The following CYRIB variants were observed in gnomAD, a reference collection of about 807,000 sequenced individuals.
CYRIB encodes CYFIP related Rac1 interactor B.
A neutral mutation model predicts 44.2 loss-of-function variants in CYRIB; 8 were observed. The ratio of observed to expected loss-of-function variants is 0.18; its 90% confidence interval spans 0.11 to 0.33. The LOEUF is 0.33. Ranked by LOEUF, CYRIB falls within the 10% of genes least tolerant of loss-of-function variation. The pLI is 1.00. For missense variants in CYRIB, 185 were observed against 382.8 expected (o/e 0.48, Z 4.31); for synonymous variants, 131 against 127.2 (o/e 1.03, Z -0.20).
chr8:129,891,175 C>G (rs899360575), intron 2 of CYRIB, among the ~76,000 whole-genome samples: 2 of 152,192 alleles, frequency 1.3e-5, no homozygotes, highest in Admixed American at 1.3e-4. Context: ...CTCCCAAATC[C>G]ATCTCTTCTC....
At chr8:130,014,576 G>C (rs1212700520) in intron 1 of CYRIB, among the ~76,000 whole-genome samples, 3 of 152,168 alleles carry the variant, frequency 2.0e-5, no homozygotes, top group East Asian at 3.8e-4. Flanking sequence ...TCCTAAGAGA[G>C]GCACACAGAA....
At chr8:129,850,508 C>T in intron 9 of CYRIB, 1 of 279,374 alleles carries the variant, frequency 3.6e-6, no homozygotes, top group Non-Finnish European at 6.6e-6. Flanking sequence ...TAAGTATAAC[C>T]AAGGAACTTT....
intron 2 of CYRIB, among the ~76,000 whole-genome samples, chr8:129,965,998 G>T (rs903343569): frequency 3.9e-5 from 6 of 151,926 alleles, no homozygotes; most frequent in African/African-American, 1.5e-4. Flanking sequence ...ATTACATACA[G>T]GTGTGGGCCA....
At chr8:130,016,987 G>A (rs1471682634), upstream of CYRIB, 1 of 152,356 alleles carries the variant, frequency 6.6e-6, no homozygotes. Context: ...AGGCCGGCCA[G>A]GTTCCCATCC....
chr8:130,000,406 A>G (rs1001163517), intron 1 of CYRIB, among the ~76,000 whole-genome samples: 20 of 152,296 alleles, frequency 1.3e-4, no homozygotes, highest in African/African-American at 3.8e-4. Context: ...AAAGATGCCA[A>G]TTTAGGCCAG....
chr8:129,909,256 TAG>T (rs1351322573), intron 1 of CYRIB, among the ~76,000 whole-genome samples: 1 of 152,214 alleles, frequency 6.6e-6, no homozygotes, highest in African/African-American at 2.4e-5. Context: ...TTGATTTTTG[TAG>T]AGTCTAAAAA....
At chr8:129,922,818 G>C (rs952664548) in intron 1 of CYRIB, among the ~76,000 whole-genome samples, 1 of 150,870 alleles carries the variant, frequency 6.6e-6, no homozygotes, top group Non-Finnish European at 1.5e-5. Flanking sequence ...AGCCGAGATC[G>C]CACCACTGCA....
Position 129,849,378 on chromosome 8 carries a change from T to A in CYRIB, c.714-9A>T, listed in dbSNP as rs1172228868. 3 of 1,597,838 alleles carry A rather than the reference T, an allele frequency of 1.9e-6. No individual in the cohort carries two copies. The African/African-American group carries it at 4.1e-5, about 22-fold the overall frequency. The stretch of plus-strand genomic sequence containing the variant: ...ATCTGCTTCTGTATTCCCTGAAGAG[T>A]AGATAAGATATGCATGGAAGAAGTG... On this transcript the variant is annotated splice_polypyrimidine_tract_variant and intron_variant, in intron 9 of 11. Coordinates refer to ENST00000519824, the Ensembl canonical transcript of CYRIB.
intron 9 of CYRIB, chr8:129,849,576 A>C: frequency 2.3e-6 from 1 of 432,098 alleles, no homozygotes; most frequent in Non-Finnish European, 4.0e-6. Context: ...AAGGGATATA[A>C]AATTCTTTAA....
chr8:129,908,170 T>C (rs761564548), intron 1 of CYRIB, among the ~76,000 whole-genome samples: 47 of 152,034 alleles, frequency 3.1e-4, no homozygotes, highest in South Asian at 2.1e-4. Context: ...TATGCTAAAA[T>C]ATAAAGCACT....
chr8:129,898,278 T>C (rs1375415450), intron 2 of CYRIB, among the ~76,000 whole-genome samples: 4 of 152,060 alleles, frequency 2.6e-5, no homozygotes, highest in Non-Finnish European at 5.9e-5. Flanking sequence ...TTGTGGCACA[T>C]ACAATTCATC....
chr8:129,899,205 A>G (rs1400413813), intron 2 of CYRIB, among the ~76,000 whole-genome samples: 1 of 152,174 alleles, frequency 6.6e-6, no homozygotes, highest in Non-Finnish European at 1.5e-5. Context: ...TTTACTTCAG[A>G]AAGAAGTAAA....
intron 5 of CYRIB, among the ~76,000 whole-genome samples, chr8:129,859,824 T>A (rs1587594700): frequency 6.6e-6 from 1 of 152,262 alleles, no homozygotes. Context: ...ATATCTGGTA[T>A]AACTATTCTT....
intron 2 of CYRIB, among the ~76,000 whole-genome samples, chr8:129,955,273 G>T (rs1051605311): frequency 1.8e-3 from 243 of 132,952 alleles, no homozygotes; most frequent in African/African-American, 6.2e-3. Context: ...AAAAAAAAAA[G>T]TATGTGCTGC....
At chr8:129,977,555 G>A (rs1469119490) in intron 1 of CYRIB, among the ~76,000 whole-genome samples, 9 of 149,434 alleles carry the variant, frequency 6.0e-5, no homozygotes, top group African/African-American at 1.5e-4. Context: ...TTTTTGAGAC[G>A]GGGTCTCGCT....
Position 129,961,079 on chromosome 8 carries a change from A to G in CYRIB, c.-243+9864T>C, listed in dbSNP as rs181555459. 1.6e-4 allele frequency among the ~76,000 whole-genome samples: 25 copies of G among 152,278 alleles called. No homozygotes were observed. In the East Asian group the frequency reaches 4.8e-3, roughly 29 times the overall value. On this transcript the variant is annotated intron_variant, in intron 2 of 14. Transcript: ENST00000401979. ...TCAAAGGAGGGTCAAGAGGAAGCCCATATGATTTTGGAGCCATCAGACAGG... is the reference window on the plus strand; with the variant it reads ...TCAAAGGAGGGTCAAGAGGAAGCCCGTATGATTTTGGAGCCATCAGACAGG...
intron 3 of CYRIB, among the ~76,000 whole-genome samples, chr8:129,876,353 G>C (rs984827215): frequency 4.6e-5 from 7 of 152,158 alleles, no homozygotes; most frequent in Admixed American, 4.6e-4. Flanking sequence ...CTGGGCGACA[G>C]AGACTGACCC....
chr8:129,974,122 C>T (rs960226989), intron 1 of CYRIB, among the ~76,000 whole-genome samples: 2 of 152,114 alleles, frequency 1.3e-5, no homozygotes, highest in African/African-American at 2.4e-5. Context: ...AGAATCCAGC[C>T]GACCCAACAC....
At chr8:130,013,615 C>A (rs1023396440) in intron 1 of CYRIB, among the ~76,000 whole-genome samples, 1 of 152,218 alleles carries the variant, frequency 6.6e-6, no homozygotes, top group Non-Finnish European at 1.5e-5. Context: ...CCACATGAAT[C>A]GTGGTCTCTT....
Sources: gnomAD v4.1 joint callset for allele counts (sites outside exome capture counted in the v4.1 genomes callset) on GRCh38, gnomAD v4.1.1 for gene constraint, MANE v1.5 for transcripts, NCBI Gene and HGNC (gene_info 2026-07-23, HGNC 2026-07-21) for gene names.